Variants in CFAP299 observed in about 807,000 individuals in gnomAD.
CFAP299 encodes the protein cilia and flagella associated protein 299.
In CFAP299, 21 loss-of-function variants were observed where a neutral mutation model predicts 27.0. That is an observed-to-expected ratio of 0.78 (90% CI 0.55 to 1.12). CFAP299 has a LOEUF of 1.12. Ranked by LOEUF, CFAP299 falls within the 50% of genes most tolerant of loss-of-function variation. CFAP299 has a pLI of 0.00. For synonymous variants in CFAP299, 104 were observed against 98.1 expected (o/e 1.06, Z -0.36); for missense variants, 310 against 276.6 (o/e 1.12, Z -0.86).
intron 3 of CFAP299, among the ~76,000 whole-genome samples, chr4:80,679,411 AAATTT>A (rs1719685965): frequency 6.6e-6 from 1 of 152,040 alleles, no homozygotes; most frequent in South Asian, 2.1e-4. Flanking sequence ...GCATGAACAT[AAATTT>A]AATTTCTTAA....
At chr4:80,910,956 C>T (rs1210709372) in intron 4 of CFAP299, among the ~76,000 whole-genome samples, 5 of 152,028 alleles carry the variant, frequency 3.3e-5, no homozygotes, top group African/African-American at 7.2e-5. Context: ...AAAAAAGCAA[C>T]TTGGATAATT....
At chr4:80,852,651 G>T (rs946524489) in intron 3 of CFAP299, among the ~76,000 whole-genome samples, 3 of 152,072 alleles carry the variant, frequency 2.0e-5, no homozygotes, top group Non-Finnish European at 4.4e-5. Flanking sequence ...TTTCTCTGTT[G>T]CTCTTAGCAA....
intron 2 of CFAP299, among the ~76,000 whole-genome samples, chr4:80,450,797 A>C (rs772821289): frequency 3.3e-5 from 5 of 152,006 alleles, no homozygotes; most frequent in Non-Finnish European, 7.4e-5. Flanking sequence ...AACTTAATGA[A>C]ATAAATATAA....
chr4:80,602,247 A>G (rs1047180818), intron 3 of CFAP299, among the ~76,000 whole-genome samples: 7 of 152,214 alleles, frequency 4.6e-5, no homozygotes, highest in African/African-American at 1.7e-4. Context: ...ACAGGTTCCA[A>G]ATAAATGTAA....
intron 3 of CFAP299, among the ~76,000 whole-genome samples, chr4:80,654,485 G>A (rs1740457897): frequency 6.6e-6 from 1 of 152,094 alleles, no homozygotes; most frequent in Non-Finnish European, 1.5e-5. Flanking sequence ...CTAAATGAAT[G>A]ATTATTTGAA....
chr4:80,950,253 A>ACC (rs5859743), intron 5 of CFAP299, among the ~76,000 whole-genome samples: 2,682 of 145,690 alleles, frequency 0.018, 50 homozygotes, highest in African/African-American at 0.048. Flanking sequence ...TCTTCCCTCC[A>ACC]CCCCCCCCCT....
At chr4:80,559,666 G>T (rs1734947403) in intron 2 of CFAP299, among the ~76,000 whole-genome samples, 1 of 152,122 alleles carries the variant, frequency 6.6e-6, no homozygotes, top group Non-Finnish European at 1.5e-5. Context: ...TCTGGGCAGT[G>T]GGGGAGAGAG....
At chr4:80,597,988 G>A (rs977524545) in intron 3 of CFAP299, among the ~76,000 whole-genome samples, 1 of 152,144 alleles carries the variant, frequency 6.6e-6, no homozygotes, top group African/African-American at 2.4e-5. Context: ...TACCCGTTCT[G>A]CAATTACTAT....
At chr4:80,801,642 C>T (rs746648064) in intron 3 of CFAP299, among the ~76,000 whole-genome samples, 9 of 152,030 alleles carry the variant, frequency 5.9e-5, no homozygotes, top group Non-Finnish European at 1.2e-4. Flanking sequence ...ACAGGTGAGT[C>T]AATCGTATTC....
At chr4:80,745,972 C>A (rs969978720) in intron 3 of CFAP299, among the ~76,000 whole-genome samples, 2 of 152,078 alleles carry the variant, frequency 1.3e-5, no homozygotes, top group Non-Finnish European at 2.9e-5. Context: ...AATTCAATTT[C>A]TAATTCATTT....
At chr4:80,664,594 C>T (rs1161127534) in intron 3 of CFAP299, among the ~76,000 whole-genome samples, 1 of 152,196 alleles carries the variant, frequency 6.6e-6, no homozygotes, top group Non-Finnish European at 1.5e-5. Flanking sequence ...CAAGCTCAAG[C>T]ATCCCAGGTT....
At chr4:80,328,117 G>C in the CFAP299 span, among the ~76,000 whole-genome samples, 3 of 152,066 alleles carry the variant, frequency 2.0e-5, no homozygotes, top group Non-Finnish European at 2.9e-5. Flanking sequence ...GAAAATTTTG[G>C]TTGGAGAAAG....
chr4:80,717,156 A>G (rs1322563850), intron 3 of CFAP299, among the ~76,000 whole-genome samples: 1 of 152,124 alleles, frequency 6.6e-6, no homozygotes, highest in African/African-American at 2.4e-5. Flanking sequence ...AAGAAATATA[A>G]CCACACAATA....
At chr4:80,718,035 G>T (rs1457421681) in intron 3 of CFAP299, among the ~76,000 whole-genome samples, 1 of 151,980 alleles carries the variant, frequency 6.6e-6, no homozygotes, top group Non-Finnish European at 1.5e-5. Context: ...CCTACTAACT[G>T]CTTGAAACCA....
intron 3 of CFAP299, among the ~76,000 whole-genome samples, chr4:80,661,930 A>G (rs1322853504): frequency 6.6e-6 from 1 of 152,164 alleles, no homozygotes; most frequent in Non-Finnish European, 1.5e-5. Flanking sequence ...GATAAGGGAT[A>G]AAATAAGCCC....
At chr4:80,935,710 A>G (rs1407189194) in intron 4 of CFAP299, among the ~76,000 whole-genome samples, 1 of 152,192 alleles carries the variant, frequency 6.6e-6, no homozygotes, top group Non-Finnish European at 1.5e-5. Flanking sequence ...TAAAAAATTG[A>G]CAAATGGGAT....
chr4:80,697,262 G>A (rs1006103619), intron 3 of CFAP299, among the ~76,000 whole-genome samples: 1 of 152,046 alleles, frequency 6.6e-6, no homozygotes, highest in African/African-American at 2.4e-5. Flanking sequence ...GTTAAATAAG[G>A]CCTTAAAGGG....
In CFAP299 at chr4:80,799,282, ATT is replaced by A. The variant is rs546510388; in HGVS notation, c.334-70710_334-70709del. Reference sequence around the variant, plus strand: ...ATATTTATATAATATTTATATATATATTGTATAAATATATTTATATAATATTT... The same window carrying A: ...ATATTTATATAATATTTATATATATAGTATAAATATATTTATATAATATTT... On this transcript the variant is annotated intron_variant, in intron 3 of 5. Coordinates refer to ENST00000358105, the MANE Select transcript of CFAP299 (RefSeq NM_152770.3). Among the ~76,000 whole-genome samples, 106 of 88,904 alleles carry A rather than the reference ATT, an allele frequency of 1.2e-3. 3 individuals carry two copies. Among genetic ancestry groups the A allele is most frequent in the African/African-American group, 4.9e-3 (87 of 17,938 alleles). The allele number at this position is 88,904 out of a possible 152,430, so 58.3% of individuals were successfully genotyped here. A position where few individuals can be genotyped will look rare whatever the true frequency, so the allele number is the denominator to read the frequency against.
intron 3 of CFAP299, among the ~76,000 whole-genome samples, chr4:80,786,021 T>C (rs1359787012): frequency 6.6e-6 from 1 of 152,186 alleles, no homozygotes; most frequent in Non-Finnish European, 1.5e-5. Flanking sequence ...TATTTTTCTT[T>C]TAATGTTCAA....
Sources: allele counts gnomAD v4.1 joint callset (sites outside exome capture counted in the v4.1 genomes callset), GRCh38; gene constraint gnomAD v4.1.1; transcripts MANE v1.5; gene names NCBI Gene and HGNC (gene_info 2026-07-23, HGNC 2026-07-21).